SLC4A7: variants seen among roughly 807,000 people sequenced by gnomAD.
SLC4A7 encodes the protein solute carrier family 4 member 7, also known as sodium bicarbonate cotransporter 3.
In SLC4A7, 51 loss-of-function variants were observed where a neutral mutation model predicts 137.6. That is an observed-to-expected ratio of 0.37 (90% confidence interval 0.30 to 0.47). The LOEUF is 0.47. Among genes scored for constraint, SLC4A7 ranks in the 20% least tolerant of loss-of-function variants. The pLI, the probability that SLC4A7 is intolerant of heterozygous loss-of-function variation, is 1.00. For missense variants in SLC4A7, 1,247 were observed against 1,525.4 expected (o/e 0.82, Z 3.04); for synonymous variants, 542 against 518.6 (o/e 1.05, Z -0.61).
chr3:27,450,483 T>G (rs2057999664), intron 2 of SLC4A7, among the ~76,000 whole-genome samples: 1 of 152,072 alleles, frequency 6.6e-6, no homozygotes, highest in Non-Finnish European at 1.5e-5. Flanking sequence ...AAAACTCAAT[T>G]TTATTTTAAT....
intron 3 of SLC4A7, among the ~76,000 whole-genome samples, chr3:27,443,016 T>C (rs1345750924): frequency 7.3e-6 from 1 of 136,534 alleles, no homozygotes; most frequent in Admixed American, 7.5e-5. Flanking sequence ...CTGGGCATTC[T>C]CTTTTTTCTT....
chr3:27,389,827 T>TA (rs2150071974), intron 22 of SLC4A7, 104 bp downstream of exon 22: 1 of 868,182 alleles, frequency 1.2e-6, no homozygotes, highest in East Asian at 2.8e-5. Flanking sequence ...CTAAGGTACT[T>TA]AAAACGCATT....
rs562477173 is a variant in SLC4A7 at position 27,412,133 on chromosome 3, G to A, written c.1660-385C>T. Among the ~76,000 whole-genome samples, 7 of 152,036 alleles carry A rather than the reference G, an allele frequency of 4.6e-5. No homozygotes were observed. The South Asian group carries it at 1.0e-3, about 23-fold the overall frequency. ...GCTCCTATTAACTATTGAAAATTACGCTTTACATTAAGAGAAAAGCAAATG... is the reference window on the plus strand; with the variant it reads ...GCTCCTATTAACTATTGAAAATTACACTTTACATTAAGAGAAAAGCAAATG... On this transcript the variant is annotated intron_variant, in intron 11 of 25. Coordinates refer to ENST00000454389, the MANE Select transcript of SLC4A7 (RefSeq NM_001321103.2).
chr3:27,459,788 A>G (rs1488852528), intron 1 of SLC4A7, among the ~76,000 whole-genome samples: 1 of 152,050 alleles, frequency 6.6e-6, no homozygotes, highest in Admixed American at 6.5e-5. Flanking sequence ...CATGAGATAT[A>G]ATTACATTCT....
intron 1 of SLC4A7, among the ~76,000 whole-genome samples, chr3:27,464,636 T>C (rs1012248074): frequency 4.6e-5 from 7 of 151,662 alleles, no homozygotes; most frequent in Admixed American, 2.0e-4. Flanking sequence ...GAGGTTGCAG[T>C]GAGCCGAGAT....
chr3:27,463,632 A>G (rs1302238249), intron 1 of SLC4A7, among the ~76,000 whole-genome samples: 1 of 152,152 alleles, frequency 6.6e-6, no homozygotes, highest in Non-Finnish European at 1.5e-5. Flanking sequence ...AAGAAAATCT[A>G]CGAGTGGCCT....
At chr3:27,421,561 G>A in intron 9 of SLC4A7, 61 bp downstream of exon 9, 1 of 1,278,832 alleles carries the variant, frequency 7.8e-7, no homozygotes, top group East Asian at 2.4e-5. Context: ...TCATTCGCTG[G>A]ATTAAAAACT....
rs189570548 is a variant in SLC4A7, at chr3:27,467,619, T to C, written c.61-15121A>G. On this transcript the variant is annotated intron_variant, in intron 1 of 25. Transcript: ENST00000454389. The stretch of plus-strand genomic sequence containing the variant: ...GAAACCTGTCTCACTTTAAAACATA[T>C]GTTTCAGTGAGGAGCACAGCCAGTC... 3.9e-3 allele frequency among the ~76,000 whole-genome samples: 590 copies of C among 152,320 alleles called. 6 individuals carry two copies. Among genetic ancestry groups the C allele is most frequent in the African/African-American group, 0.014 (573 of 41,580 alleles).
At chr3:27,441,916 G>C (rs963144020) in intron 3 of SLC4A7, among the ~76,000 whole-genome samples, 1 of 149,222 alleles carries the variant, frequency 6.7e-6, no homozygotes, top group African/African-American at 2.5e-5. Context: ...TTTTTTTTGA[G>C]AGGGAGTCTC....
intron 7 of SLC4A7, 138 bp downstream of exon 7, chr3:27,431,159 GA>G (rs914925559): frequency 9.8e-5 from 89 of 905,944 alleles, no homozygotes; most frequent in East Asian, 6.7e-4. Context: ...CTATCATAAA[GA>G]AAAAAAAACA....
intron 1 of SLC4A7, chr3:27,462,879 A>C (rs1333667113): frequency 6.6e-6 from 1 of 152,294 alleles, no homozygotes. Context: ...AAACCGGGAA[A>C]AACAAAGAAT....
intron 3 of SLC4A7, among the ~76,000 whole-genome samples, chr3:27,448,232 A>AAG (rs1373792036): frequency 2.0e-5 from 3 of 151,426 alleles, no homozygotes; most frequent in African/African-American, 7.2e-5. Context: ...AAAAAAAAAA[A>AAG]AAGAAGAAGG....
chr3:27,420,297 G>C (rs2054830749), intron 10 of SLC4A7, among the ~76,000 whole-genome samples: 1 of 152,126 alleles, frequency 6.6e-6, no homozygotes, highest in South Asian at 2.1e-4. Context: ...CTCTTCAAAA[G>C]AAAGACAAGG....
rs763357290 is a variant in SLC4A7, at chr3:27,421,685, G to A, written c.1361C>T (p.Ala454Val). 1.9e-6 allele frequency: 3 copies of A among 1,613,972 alleles called. No individual in the cohort carries two copies. The highest frequency in any genetic ancestry group is 2.5e-6 in the Non-Finnish European group (3 of 1,179,910). ...GACAGCAGGAGCCAGTCTCACAAAT[G>A]CAATTATTGGCCTTTCCAAAAAGTC... ...EVDFLERPII[A>V]FVRLAPAVLL... The change falls in exon 9 of 26, where the codon GCA (alanine) becomes GTA (valine). Residue 454 changes from alanine to valine, a missense_variant. This residue lies in a region of SLC4A7 where 499 missense variants were observed against 664.2 expected (regional missense o/e 0.75). Transcript: ENST00000454389.
Position 27,437,541 on chromosome 3 carries a change from A to T in SLC4A7, c.290-15T>A. The T allele has an allele frequency of 6.7e-7, 1 of 1,499,802 alleles. No homozygotes were observed. The highest frequency in any genetic ancestry group is 2.5e-5 in the Admixed American group (1 of 40,288). 92.9% of individuals were successfully genotyped at this position (1,499,802 alleles called of 1,614,324 possible). A position where few individuals can be genotyped will look rare whatever the true frequency, so the allele number is the denominator to read the frequency against. On this transcript the variant is annotated splice_polypyrimidine_tract_variant and intron_variant, in intron 3 of 25. Transcript: ENST00000454389. ...GGATGGTGTATCTTTACAAAATAAG[A>T]ATTTACATATACTCAAATTTTTCCT... is the stretch of plus-strand genomic sequence containing the variant.
rs190189172 is a variant in SLC4A7 at position 27,386,878 on chromosome 3, A to G, written c.3361-855T>C. ...CTGAATTCAATTTTGATTTCTGAAC[A>G]TGGTCTCAGATAAGGAGTACAACAT... On this transcript the variant is annotated intron_variant, in intron 22 of 25. Coordinates refer to ENST00000454389, the MANE Select transcript of SLC4A7 (RefSeq NM_001321103.2). Among the ~76,000 whole-genome samples, 214 of 152,276 alleles carry G rather than the reference A, an allele frequency of 1.4e-3. 1 individual carries two copies. The highest frequency in any genetic ancestry group is 6.8e-3 in the Middle Eastern group (2 of 294).
At chr3:27,421,523 C>A in intron 9 of SLC4A7, 99 bp downstream of exon 9, 1 of 935,028 alleles carries the variant, frequency 1.1e-6, no homozygotes, top group South Asian at 2.2e-5. Context: ...ATAAAATAAG[C>A]TTTTATTACA....
rs111897227 is a variant in SLC4A7, at chr3:27,431,707, A to G, written c.779-38T>C. On this transcript the variant is annotated intron_variant, in intron 6 of 25. Coordinates refer to ENST00000454389, the MANE Select transcript of SLC4A7 (RefSeq NM_001321103.2). ...AAATAAATGAAAAATGATGAAGTCC[A>G]CTGCAGAAGGCAAATAGAGACATTT... 1,018 of 1,496,288 alleles carry G rather than the reference A, an allele frequency of 6.8e-4. 2 individuals are homozygous for G. In the African/African-American group the frequency reaches 0.012, roughly 18 times the overall value. 92.7% of individuals were successfully genotyped at this position (1,496,288 alleles called of 1,614,324 possible).
At position 27,373,456 on chromosome 3, in the gene SLC4A7, AATG is replaced by A. The variant is rs1256566805; in HGVS notation, c.*3305_*3307del. ...ACATATTTGCACTGCATACGATAAA[AATG>A]ATGTGATCTACATAAATAAATTTAA... On this transcript the variant is annotated 3_prime_UTR_variant, in exon 26 of 26. Coordinates refer to ENST00000454389, the MANE Select transcript of SLC4A7 (RefSeq NM_001321103.2). 2 of 152,170 alleles carry A rather than the reference AATG, an allele frequency of 1.3e-5. No individual in the cohort carries two copies. Among genetic ancestry groups the A allele is most frequent in the African/African-American group, 4.8e-5 (2 of 41,472 alleles). The allele number at this position is 152,170 out of a possible 1,614,324, so 9.4% of individuals were successfully genotyped here.
Sources: gnomAD v4.1 joint callset for allele counts (sites outside exome capture counted in the v4.1 genomes callset) on GRCh38, gnomAD v4.1.1 for gene constraint, gnomAD v4.1.1 regional missense constraint, MANE v1.5 for transcripts, NCBI Gene and HGNC (gene_info 2026-07-23, HGNC 2026-07-21) for gene names.